Variants in ALDH1L2 observed in about 807,000 individuals in gnomAD.
ALDH1L2 encodes the protein mitochondrial 10-formyltetrahydrofolate dehydrogenase.
In ALDH1L2, 91 loss-of-function variants were observed where a neutral mutation model predicts 111.0. The observed-to-expected ratio is 0.82, with a 90% CI of 0.69 to 0.98. The LOEUF (loss-of-function observed/expected upper bound fraction) is 0.98. Ranked by LOEUF, ALDH1L2 falls within the 50% of genes least tolerant of loss-of-function variation. The pLI, the probability that ALDH1L2 is intolerant of heterozygous loss-of-function variation, is 0.00. For synonymous variants in ALDH1L2, 374 were observed against 392.6 expected (o/e 0.95, Z 0.56); for missense variants, 995 against 1,126.8 (o/e 0.88, Z 1.67).
chr12:105,073,296 C>G (rs145495717), intron 2 of ALDH1L2, among the ~76,000 whole-genome samples: 1 of 152,182 alleles, frequency 6.6e-6, no homozygotes, highest in Admixed American at 6.5e-5. Flanking sequence ...CCAGAACACA[C>G]GCTGTTACCC....
intron 18 of ALDH1L2, 128 bp downstream of exon 18, chr12:105,037,975 C>G (rs943173610): frequency 3.1e-6 from 2 of 648,320 alleles, no homozygotes; most frequent in East Asian, 3.1e-5. Context: ...CCATGTTGGT[C>G]AGGCTCGTCT....
At chr12:105,075,382 C>G (rs573676192) in intron 1 of ALDH1L2, among the ~76,000 whole-genome samples, 1 of 152,154 alleles carries the variant, frequency 6.6e-6, no homozygotes, top group South Asian at 2.1e-4. Flanking sequence ...GTCGGGAGTT[C>G]AAGACCAGCC....
chr12:105,031,664 A>C, intron 20 of ALDH1L2, 105 bp downstream of exon 20: 5 of 1,469,302 alleles, frequency 3.4e-6, no homozygotes, highest in Non-Finnish European at 4.6e-6. Flanking sequence ...AATTTTTGGT[A>C]GAGATGAAGT....
At chr12:105,034,515 C>T in intron 18 of ALDH1L2, 117 bp from the exon 19 acceptor site, 1 of 788,164 alleles carries the variant, frequency 1.3e-6, no homozygotes, top group East Asian at 2.8e-5. Context: ...ATAGATAAGT[C>T]ACAGACAATC....
intron 10 of ALDH1L2, among the ~76,000 whole-genome samples, chr12:105,055,929 A>G (rs1256082066): frequency 2.6e-5 from 4 of 152,178 alleles, no homozygotes; most frequent in Non-Finnish European, 5.9e-5. Context: ...AACTATACCA[A>G]CATATGCATA....
At chr12:105,036,124 T>TA (rs1875026092) in intron 18 of ALDH1L2, among the ~76,000 whole-genome samples, 1 of 67,502 alleles carries the variant, frequency 1.5e-5, no homozygotes, top group Non-Finnish European at 2.5e-5. Context: ...TGTGTATATA[T>TA]ATTATATATA....
intron 15 of ALDH1L2, among the ~76,000 whole-genome samples, chr12:105,046,203 A>G (rs1212082036): frequency 3.3e-5 from 1 of 30,526 alleles, no homozygotes; most frequent in African/African-American, 1.6e-4. Flanking sequence ...CTATATATAT[A>G]TATATATATA....
intron 1 of ALDH1L2, among the ~76,000 whole-genome samples, chr12:105,077,563 G>A (rs1485875409): frequency 6.6e-6 from 1 of 151,894 alleles, no homozygotes; most frequent in Non-Finnish European, 1.5e-5. Context: ...ACAGGCGTGA[G>A]CCACCACGCC....
rs1184032626 is a variant in ALDH1L2 at position 105,036,509 on chromosome 12, ATATT to A, written c.2145+1590_2145+1593del. On this transcript the variant is annotated intron_variant, in intron 18 of 22. Coordinates refer to ENST00000258494, the MANE Select transcript of ALDH1L2 (RefSeq NM_001034173.4). ...TACGTATATTTATATATGTATATAT[ATATT>A]TTATATATATATATATATATATATA... is the stretch of plus-strand genomic sequence containing the variant. Among the ~76,000 whole-genome samples, 366 of 77,252 alleles carry A rather than the reference ATATT, an allele frequency of 4.7e-3. 25 individuals are homozygous for A. Among genetic ancestry groups the A allele is most frequent in the Non-Finnish European group, 8.3e-3 (319 of 38,624 alleles). The allele number at this position is 77,252 out of a possible 152,430, so 50.7% of individuals were successfully genotyped here.
chr12:105,026,110 T>C (rs1352952986), intron 22 of ALDH1L2, among the ~76,000 whole-genome samples: 1 of 152,122 alleles, frequency 6.6e-6, no homozygotes, highest in Non-Finnish European at 1.5e-5. Flanking sequence ...GTTTTTTCAG[T>C]GTTGACTCTG....
In ALDH1L2 at chr12:105,070,590, T is replaced by G. The variant is rs1470468941; in HGVS notation, c.408A>C (p.Arg136Ser). 3 of 1,612,956 alleles carry G rather than the reference T, an allele frequency of 1.9e-6. No homozygotes were observed. In the South Asian group the frequency reaches 3.3e-5, roughly 18 times the overall value. Reference protein sequence around the residue: ...IYHPSILPRHRGASAINWTLI... With the variant: ...IYHPSILPRHSGASAINWTLI... ...CTCACCAATTGATAGCAGAGGCTCC[T>G]CTGTGCCTGGGCAGGATGGATGGGT... Residue 136 changes from arginine to serine, a missense_variant, in exon 3 of 23, where the codon AGA becomes AGC. By Grantham distance (110) the Arg-to-Ser change is moderately radical (BLOSUM62 -1). Transcript: ENST00000258494.
intron 21 of ALDH1L2, among the ~76,000 whole-genome samples, chr12:105,028,448 A>G (rs1295962487): frequency 6.6e-6 from 1 of 152,236 alleles, no homozygotes; most frequent in Non-Finnish European, 1.5e-5. Context: ...CAGCAAAGAC[A>G]CAGGATCTGT....
intron 1 of ALDH1L2, among the ~76,000 whole-genome samples, chr12:105,082,296 A>G (rs961766594): frequency 3.9e-5 from 6 of 152,236 alleles, no homozygotes; most frequent in African/African-American, 1.4e-4. Flanking sequence ...AACCACTACC[A>G]TAATCAAGAT....
chr12:105,078,175 C>T (rs752321598), intron 1 of ALDH1L2, among the ~76,000 whole-genome samples: 1 of 152,188 alleles, frequency 6.6e-6, no homozygotes, highest in East Asian at 1.9e-4. Context: ...GGAGGTTGCA[C>T]CTCAGAAGGC....
chr12:105,055,842 G>T (rs1404738508), intron 10 of ALDH1L2, among the ~76,000 whole-genome samples: 7 of 151,920 alleles, frequency 4.6e-5, no homozygotes, highest in Admixed American at 4.6e-4. Flanking sequence ...TCAAGAAGGT[G>T]AAAAAAGCCT....
chr12:105,069,584 A>G (rs1403432511), intron 3 of ALDH1L2, among the ~76,000 whole-genome samples: 1 of 152,220 alleles, frequency 6.6e-6, no homozygotes, highest in African/African-American at 2.4e-5. Flanking sequence ...CTAAGTGCAA[A>G]TATGTCTACT....
intron 13 of ALDH1L2, among the ~76,000 whole-genome samples, 188 bp from the exon 14 acceptor site, chr12:105,047,157 C>A (rs1333457732): frequency 6.6e-6 from 1 of 152,164 alleles, no homozygotes; most frequent in Non-Finnish European, 1.5e-5. Flanking sequence ...CCATGAAACA[C>A]AGAAGAATAA....
In ALDH1L2 at chr12:105,060,983, G is replaced by T. The variant is rs765336270; in HGVS notation, c.1137C>A (p.Ala379=). 6.8e-6 allele frequency: 11 copies of T among 1,613,598 alleles called. No individual in the cohort carries two copies. In the South Asian group the frequency reaches 1.2e-4, roughly 18 times the overall value. Residue 379 remains alanine, a splice_region_variant and synonymous_variant, in exon 9 of 23, where the codon GCC becomes GCA. Transcript: ENST00000258494. ...AGTCAATAAGGGCGTGGTTTTACCT[G>T]GCAACATCCATTGAGCTTGCTCCAG... is the stretch of plus-strand genomic sequence containing the variant. ...FKSGASSMDV[A]RLVEEIRQKC...
At chr12:105,030,480 C>A in intron 20 of ALDH1L2, 51 bp from the exon 21 acceptor site, 1 of 1,455,640 alleles carries the variant, frequency 6.9e-7, no homozygotes. Context: ...AAGTCATTTT[C>A]AATTAATAGT....
Sources: gnomAD v4.1 joint callset for allele counts (sites outside exome capture counted in the v4.1 genomes callset) on GRCh38, gnomAD v4.1.1 for gene constraint, MANE v1.5 for transcripts, NCBI Gene and HGNC (gene_info 2026-07-23, HGNC 2026-07-21) for gene names.